The following FOCAD variants were observed in gnomAD, a reference collection of about 807,000 sequenced individuals.
FOCAD encodes KIAA1797.
In FOCAD, 198 loss-of-function variants were observed where a neutral mutation model predicts 225.6. That is an observed-to-expected ratio of 0.88 (90% CI 0.78 to 0.99). FOCAD has a LOEUF of 0.99. Ranked by LOEUF, FOCAD falls within the 50% of genes least tolerant of loss-of-function variation. The pLI, the probability that FOCAD is intolerant of heterozygous loss-of-function variation, is 0.00. For missense variants in FOCAD, 2,713 were observed against 2,123.6 expected, an observed-to-expected ratio of 1.28 and a Z score of -5.46; for synonymous variants, 897 against 755.0, an observed-to-expected ratio of 1.19 and a Z score of -3.08.
chr9:20,905,989 A>C (rs1313860483), intron 21 of FOCAD, among the ~76,000 whole-genome samples: 1 of 151,734 alleles, frequency 6.6e-6, no homozygotes, highest in Non-Finnish European at 1.5e-5. Flanking sequence ...AGCAGTAAGA[A>C]TTAATCTCTT....
intron 4 of FOCAD, among the ~76,000 whole-genome samples, chr9:20,721,835 A>G (rs754885627): frequency 3.0e-4 from 44 of 148,874 alleles, no homozygotes; most frequent in Admixed American, 1.9e-3. Context: ...TCTTTTTGGC[A>G]CCTTGGTCTT....
At position 20,953,057 on chromosome 9, in the gene FOCAD, G is replaced by T. The variant is rs1428774584; in HGVS notation, c.4124G>T (p.Gly1375Val). The T allele has an allele frequency of 1.2e-6, 2 of 1,607,596 alleles. No homozygotes were observed. The highest frequency in any genetic ancestry group is 1.7e-6 in the Non-Finnish European group (2 of 1,176,528). The change falls in exon 35 of 44, where the codon GGA becomes GTA. Residue 1375 changes from glycine (G) to valine (V), a missense_variant. Gly to Val is a moderately radical substitution (Grantham distance 109, BLOSUM62 -3). Transcript: ENST00000338382. The stretch of plus-strand genomic sequence containing the variant: ...GCTATTGGCTTCTTCATTACAGGAG[G>T]AAAAAAAGGCAAGTGAGCACATTTC... ...GAAIGFFITG[G>V]KKGPESVPPS...
At chr9:20,758,502 C>G (rs752309118) in intron 6 of FOCAD, among the ~76,000 whole-genome samples, 9 of 151,044 alleles carry the variant, frequency 6.0e-5, no homozygotes, top group Non-Finnish European at 1.3e-4. Flanking sequence ...TCTCCTAATG[C>G]TATCCCTCCC....
chr9:20,962,430 A>ACATACATACATT (rs1838834456), intron 35 of FOCAD, among the ~76,000 whole-genome samples: 1 of 151,892 alleles, frequency 6.6e-6, no homozygotes, highest in Admixed American at 6.6e-5. Context: ...ATACATACAT[A>ACATACATACATT]CATACATACA....
rs549978905 is a variant in FOCAD, at chr9:20,756,067, A to G, written c.393-2023A>G. Among the ~76,000 whole-genome samples the G allele has an allele frequency of 2.6e-4, 40 of 152,276 alleles. No individual in the cohort carries two copies. In the South Asian group the frequency reaches 4.6e-3, roughly 17 times the overall value. On this transcript the variant is annotated intron_variant, in intron 5 of 43. Transcript: ENST00000338382. ...TAGAATTTGTAATATTTTTCTTAGTATTTGTGGCAACCAAAGTGGAAGCAA... is the reference window on the plus strand; with the variant it reads ...TAGAATTTGTAATATTTTTCTTAGTGTTTGTGGCAACCAAAGTGGAAGCAA...
chr9:20,726,675 G>A (rs1826225204), intron 4 of FOCAD, among the ~76,000 whole-genome samples: 1 of 152,104 alleles, frequency 6.6e-6, no homozygotes, highest in Non-Finnish European at 1.5e-5. Flanking sequence ...GGCTGATGAA[G>A]GTTCAGTGGT....
At chr9:20,823,728 A>G (rs1316589363) in intron 15 of FOCAD, among the ~76,000 whole-genome samples, 1 of 152,102 alleles carries the variant, frequency 6.6e-6, no homozygotes, top group Non-Finnish European at 1.5e-5. Flanking sequence ...TAGTGAACAT[A>G]TATACCCAAT....
chr9:20,842,961 C>G (rs1427991853), intron 15 of FOCAD, among the ~76,000 whole-genome samples: 1 of 151,808 alleles, frequency 6.6e-6, no homozygotes, highest in African/African-American at 2.4e-5. Flanking sequence ...TGATGAGAAC[C>G]TAACTCTGTA....
chr9:20,792,766 T>C (rs1206151797), intron 11 of FOCAD, among the ~76,000 whole-genome samples: 1 of 152,216 alleles, frequency 6.6e-6, no homozygotes, highest in East Asian at 1.9e-4. Context: ...ACACATTTGA[T>C]CCATTTGAAA....
chr9:20,936,359 T>C (rs1050765567), intron 28 of FOCAD, among the ~76,000 whole-genome samples: 5 of 152,222 alleles, frequency 3.3e-5, no homozygotes, highest in African/African-American at 1.2e-4. Context: ...GTAAATGATA[T>C]GGTAGTGGTA....
intron 28 of FOCAD, among the ~76,000 whole-genome samples, chr9:20,941,999 A>C (rs949038499): frequency 1.4e-4 from 22 of 152,222 alleles, no homozygotes; most frequent in African/African-American, 5.3e-4. Flanking sequence ...TTTAGAAATC[A>C]GAGGGAAATC....
At chr9:20,949,848 C>T (rs951906969) in intron 33 of FOCAD, among the ~76,000 whole-genome samples, 173 bp downstream of exon 33, 3 of 152,080 alleles carry the variant, frequency 2.0e-5, no homozygotes, top group African/African-American at 4.8e-5. Flanking sequence ...AACTGACAAA[C>T]ATGCACTACC....
intron 23 of FOCAD, among the ~76,000 whole-genome samples, chr9:20,915,292 C>G (rs1233312802): frequency 2.6e-5 from 4 of 152,056 alleles, no homozygotes; most frequent in Non-Finnish European, 5.9e-5. Flanking sequence ...GAGAAGATTT[C>G]AAAAGATTGA....
chr9:20,664,872 G>A (rs10811386), intron 2 of FOCAD, among the ~76,000 whole-genome samples: 5,660 of 152,036 alleles, frequency 0.037, 138 homozygotes, highest in Middle Eastern at 0.075. Context: ...AAAGTTTAAT[G>A]TATGTCATAT....
intron 5 of FOCAD, among the ~76,000 whole-genome samples, chr9:20,742,484 C>T (rs898506358): frequency 4.6e-5 from 7 of 152,158 alleles, no homozygotes; most frequent in East Asian, 3.9e-4. Flanking sequence ...GCAGAGCTAC[C>T]GCCGCATCGG....
At chr9:20,694,522 C>T (rs1161196265) in intron 1 of FOCAD, 1 of 152,006 alleles carries the variant, frequency 6.6e-6, no homozygotes, top group Non-Finnish European at 1.5e-5. Flanking sequence ...TGTTGCAGAC[C>T]ATCAAGGAAA....
intron 5 of FOCAD, among the ~76,000 whole-genome samples, chr9:20,745,421 G>A (rs912837471): frequency 2.0e-5 from 3 of 152,184 alleles, no homozygotes; most frequent in African/African-American, 7.2e-5. Flanking sequence ...TGATCGTGCA[G>A]GAAGTGGGCA....
At position 20,932,974 on chromosome 9, in the gene FOCAD, A is replaced by G. The variant is rs78247162; in HGVS notation, c.3318-40A>G. 1,409 of 1,441,696 alleles carry G rather than the reference A, an allele frequency of 9.8e-4. 13 individuals carry two copies. The African/African-American group carries it at 0.018, about 18-fold the overall frequency. The allele number at this position is 1,441,696 out of a possible 1,614,324, so 89.3% of individuals were successfully genotyped here. ...ATTCAGTATTTTGGATAGTTGACTA[A>G]TTTTAAATAATTCATTGTTTCCCCT... is the stretch of plus-strand genomic sequence containing the variant. On this transcript the variant is annotated intron_variant, in intron 27 of 43. Transcript: ENST00000338382.
chr9:20,772,008 T>C (rs1221296602), intron 8 of FOCAD, among the ~76,000 whole-genome samples: 1 of 152,114 alleles, frequency 6.6e-6, no homozygotes, highest in East Asian at 1.9e-4. Flanking sequence ...CACTTGAGGG[T>C]TAGGGCTTTA....
Sources: allele counts gnomAD v4.1 joint callset (sites outside exome capture counted in the v4.1 genomes callset), GRCh38; gene constraint gnomAD v4.1.1; transcripts MANE v1.5; gene names NCBI Gene and HGNC (gene_info 2026-07-23, HGNC 2026-07-21).